Variants in RGS3 observed in about 807,000 individuals in gnomAD.
RGS3 encodes the protein regulator of G protein signaling 3, also known as regulator of G-protein signalling 3.
In RGS3, 80 loss-of-function variants were observed where a neutral mutation model predicts 132.6. The ratio of observed to expected loss-of-function variants is 0.60; its 90% CI spans 0.50 to 0.73. The LOEUF (loss-of-function observed/expected upper bound fraction) is 0.73, where lower values mean the gene tolerates loss of function less well. Ranked by LOEUF, RGS3 falls within the 30% of genes least tolerant of loss-of-function variation. The pLI, the probability that RGS3 is intolerant of heterozygous loss-of-function variation, is 0.00. For missense variants in RGS3, 1,382 were observed against 1,530.8 expected, an observed-to-expected ratio of 0.90 and a Z score of 1.62; for synonymous variants, 598 against 620.6, an observed-to-expected ratio of 0.96 and a Z score of 0.54.
rs1171906048 is a variant in RGS3 at position 113,498,085 on chromosome 9, G to T, written c.897+5G>T. On this transcript the variant is annotated splice_donor_5th_base_variant and intron_variant, in intron 10 of 24. Coordinates refer to ENST00000350696, the Ensembl canonical transcript of RGS3. The stretch of plus-strand genomic sequence containing the variant: ...GAGAATGGGAAGAAACTAAAGGTAG[G>T]TGGGGACAAGCTAGGGCATTGCTCC... 1.2e-6 allele frequency: 2 copies of T among 1,613,850 alleles called. No individual in the cohort carries two copies. Among genetic ancestry groups the T allele is most frequent in the Admixed American group, 1.7e-5 (1 of 60,016 alleles).
intron 19 of RGS3, among the ~76,000 whole-genome samples, chr9:113,560,718 CA>C (rs1296474034): frequency 6.6e-6 from 1 of 152,214 alleles, no homozygotes; most frequent in Non-Finnish European, 1.5e-5. Context: ...CTGTGAGCCC[CA>C]GGAAGTAAAA....
intron 15 of RGS3, 50 bp downstream of exon 13, chr9:113,514,704 A>T (rs3761819): frequency 0.054 from 85,878 of 1,581,912 alleles, 2,679 homozygotes; most frequent in South Asian, 0.093. Context: ...ACGGAGAAAG[A>T]GGAGGGCCCT....
rs150841990 is a variant in RGS3, at chr9:113,544,225, C to T, written c.2037+7307C>T. Among the ~76,000 whole-genome samples the T allele has an allele frequency of 9.2e-5, 14 of 152,082 alleles. No homozygotes were observed. The East Asian group carries it at 2.5e-3, about 27-fold the overall frequency. ...CACAACCATTTATTGTTGGAAAGAC[C>T]ATCTGTGCAACTTGAATACAAAGTG... On this transcript the variant is annotated intron_variant, in intron 19 of 24. Transcript: ENST00000350696.
chr9:113,496,275 G>A (rs7860673), intron 8 of RGS3, among the ~76,000 whole-genome samples: 18,019 of 152,146 alleles, frequency 0.12, 1,269 homozygotes, highest in African/African-American at 0.19. Flanking sequence ...GATGGAGTGA[G>A]CAGCACCATC....
chr9:113,545,462 C>G (rs1168100628), intron 19 of RGS3, among the ~76,000 whole-genome samples: 3 of 152,216 alleles, frequency 2.0e-5, no homozygotes, highest in African/African-American at 7.2e-5. Context: ...AAAACTGTTT[C>G]CAGGCAGCCA....
At chr9:113,566,122 C>T (rs1357421347) in intron 19 of RGS3, among the ~76,000 whole-genome samples, 1 of 152,128 alleles carries the variant, frequency 6.6e-6, no homozygotes, top group African/African-American at 2.4e-5. Context: ...GGGTGCTGGC[C>T]GCACACCAGG....
At chr9:113,505,259 C>T (rs764708485) in intron 10 of RGS3, 183 bp from the exon 9 acceptor site, 1 of 602,826 alleles carries the variant, frequency 1.7e-6, no homozygotes, top group Admixed American at 2.8e-5. Context: ...TGGCCCACAA[C>T]CCAGTGCTCA....
chr9:113,557,641 C>T (rs374680131), intron 19 of RGS3, among the ~76,000 whole-genome samples: 1 of 152,196 alleles, frequency 6.6e-6, no homozygotes, highest in South Asian at 2.1e-4. Context: ...ATGGTCCTCA[C>T]CCCACAGAGC....
intron 23 of RGS3, among the ~76,000 whole-genome samples, chr9:113,595,269 G>A (rs1242209534): frequency 6.6e-6 from 1 of 152,332 alleles, no homozygotes; most frequent in Non-Finnish European, 1.5e-5. Context: ...ACATTTCTAC[G>A]TACTGAGGGC....
intron 3 of RGS3, among the ~76,000 whole-genome samples, chr9:113,476,648 T>G (rs1830002905): frequency 6.6e-6 from 1 of 152,248 alleles, no homozygotes; most frequent in Admixed American, 6.5e-5. Context: ...AGTCAGCCTT[T>G]GCCCCTGGGC....
chr9:113,581,934 C>A, intron 19 of RGS3: 1 of 728,094 alleles, frequency 1.4e-6, no homozygotes, highest in Non-Finnish European at 1.7e-6. Flanking sequence ...CCAGATCACG[C>A]TAGAGTCCTC....
chr9:113,519,139 G>A (rs1051527563), intron 16 of RGS3, among the ~76,000 whole-genome samples: 1 of 152,170 alleles, frequency 6.6e-6, no homozygotes, highest in African/African-American at 2.4e-5. Context: ...CCACTCTGTA[G>A]TTAAGGCAAC....
chr9:113,446,900 G>C (rs1305725712), intron 1 of RGS3, among the ~76,000 whole-genome samples: 1 of 152,144 alleles, frequency 6.6e-6, no homozygotes. Context: ...AATATCAAAA[G>C]TGATCTGAGG....
chr9:113,514,248 C>T (rs144015899), intron 14 of RGS3, among the ~76,000 whole-genome samples: 1,528 of 152,312 alleles, frequency 0.01, 34 homozygotes, highest in Middle Eastern at 0.041. Context: ...CACGTGTCAA[C>T]GTCTCTCACT....
chr9:113,526,707 A>T (rs1832228270), intron 17 of RGS3, among the ~76,000 whole-genome samples: 1 of 152,100 alleles, frequency 6.6e-6, no homozygotes, highest in Non-Finnish European at 1.5e-5. Flanking sequence ...CCAGGAAGCT[A>T]TCTCTGGGGC....
chr9:113,501,436 TG>T, intron 10 of RGS3: 1 of 1,476,110 alleles, frequency 6.8e-7, no homozygotes, highest in Non-Finnish European at 9.0e-7. Flanking sequence ...CTTGGGGAGG[TG>T]AGAGGTGATT....
chr9:113,544,832 C>G (rs978241956), intron 19 of RGS3, among the ~76,000 whole-genome samples: 1 of 152,110 alleles, frequency 6.6e-6, no homozygotes, highest in Non-Finnish European at 1.5e-5. Flanking sequence ...AAAGGTTTGT[C>G]TTTTAGGGAT....
intron 20 of RGS3, among the ~76,000 whole-genome samples, chr9:113,586,027 C>T (rs1467981144): frequency 6.6e-6 from 1 of 152,244 alleles, no homozygotes; most frequent in African/African-American, 2.4e-5. Flanking sequence ...TCCTAGTCCC[C>T]ATACCCAGAA....
chr9:113,594,159 T>C, intron 21 of RGS3: 1 of 1,612,998 alleles, frequency 6.2e-7, no homozygotes, highest in African/African-American at 1.3e-5. Flanking sequence ...AGAGAGCGTG[T>C]GTGGCTGCAG....
Sources: gnomAD v4.1 joint callset for allele counts (sites outside exome capture counted in the v4.1 genomes callset) on GRCh38, gnomAD v4.1.1 for gene constraint, MANE v1.5 for transcripts, NCBI Gene and HGNC (gene_info 2026-07-23, HGNC 2026-07-21) for gene names.